The following RPA1 variants were observed in gnomAD, a reference collection of about 807,000 sequenced individuals.
The protein encoded by RPA1 is replication protein A1.
Under a neutral mutation model 83.0 loss-of-function variants are expected in RPA1, and 49 were observed. That is an observed-to-expected ratio of 0.59 (90% CI 0.47 to 0.75). RPA1 has a LOEUF of 0.75. RPA1 is among the 30% of genes least tolerant of loss of function. The probability of loss-of-function intolerance (pLI) is 0.00; values close to 1 mark genes in which losing one functional copy is unlikely to be tolerated. For synonymous variants in RPA1, 279 were observed against 281.8 expected, an observed-to-expected ratio of 0.99 and a Z score of 0.10; for missense variants, 693 against 776.1, an observed-to-expected ratio of 0.89 and a Z score of 1.27.
chr17:1,895,709 C>G (rs939473979), intron 16 of RPA1, among the ~76,000 whole-genome samples: 8 of 86,602 alleles, frequency 9.2e-5, no homozygotes, highest in African/African-American at 2.6e-4. Context: ...TTATTTGAGA[C>G]AGAGTCTCTG....
At chr17:1,854,866 A>G (rs1597432123) in intron 5 of RPA1, among the ~76,000 whole-genome samples, 2 of 152,208 alleles carry the variant, frequency 1.3e-5, no homozygotes, top group African/African-American at 4.8e-5. Flanking sequence ...TAGATGGTTC[A>G]CTATAGAAGG....
At chr17:1,895,224 A>G (rs1914360231) in intron 16 of RPA1, 129 bp downstream of exon 16, 2 of 615,254 alleles carry the variant, frequency 3.3e-6, no homozygotes, top group Admixed American at 3.2e-5. Flanking sequence ...ACTTTGCCCA[A>G]CACAGGTGCT....
At chr17:1,852,015 G>C (rs945404055) in intron 4 of RPA1, among the ~76,000 whole-genome samples, 1 of 152,146 alleles carries the variant, frequency 6.6e-6, no homozygotes, top group Non-Finnish European at 1.5e-5. Flanking sequence ...ATTGCCCTAG[G>C]CCTGTTTCTT....
chr17:1,851,535 A>G (rs932674347), intron 4 of RPA1, among the ~76,000 whole-genome samples: 5 of 152,220 alleles, frequency 3.3e-5, no homozygotes, highest in African/African-American at 9.6e-5. Flanking sequence ...CTGTAAGTTG[A>G]TATTAGTGTA....
chr17:1,870,321 G>A (rs1356715260), intron 5 of RPA1, among the ~76,000 whole-genome samples: 10 of 152,116 alleles, frequency 6.6e-5, no homozygotes, highest in Non-Finnish European at 8.8e-5. Context: ...CTCAGAATCC[G>A]GGGATCACAA....
At chr17:1,888,058 G>C (rs1772943774) in intron 13 of RPA1, among the ~76,000 whole-genome samples, 1 of 152,196 alleles carries the variant, frequency 6.6e-6, no homozygotes, top group South Asian at 2.1e-4. Context: ...TCTGTCAAGT[G>C]CAGTAAAGCA....
chr17:1,850,979 A>C (rs939316962), intron 4 of RPA1, among the ~76,000 whole-genome samples: 5 of 151,672 alleles, frequency 3.3e-5, no homozygotes, highest in African/African-American at 1.2e-4. Context: ...TTAAACATCT[A>C]CAAACATAGA....
At position 1,858,985 on chromosome 17, in the gene RPA1, C is replaced by G. The variant is rs1312722129; in HGVS notation, c.361+5796C>G. 4.0e-5 allele frequency among the ~76,000 whole-genome samples: 6 copies of G among 151,174 alleles called. No homozygotes were observed. In the South Asian group the frequency reaches 6.2e-4, roughly 16 times the overall value. ...TGGCATGATCTTGGCTCACTGCAATCTCCACCTCCCAGGTTCAAGCGATTC... is the reference window on the plus strand; with the variant it reads ...TGGCATGATCTTGGCTCACTGCAATGTCCACCTCCCAGGTTCAAGCGATTC... On this transcript the variant is annotated intron_variant, in intron 5 of 16. Transcript: ENST00000254719.
intron 5 of RPA1, among the ~76,000 whole-genome samples, chr17:1,855,416 T>A (rs1174768540): frequency 1.3e-5 from 2 of 152,054 alleles, no homozygotes; most frequent in African/African-American, 4.8e-5. Context: ...CTCGAACTCC[T>A]GACCTCAAGT....
Position 1,853,605 on chromosome 17 carries a change from C to T in RPA1, c.361+416C>T, listed in dbSNP as rs567439674. Among the ~76,000 whole-genome samples the T allele has an allele frequency of 7.2e-5, 11 of 152,274 alleles. No homozygotes were observed. The South Asian group carries it at 1.9e-3, about 26-fold the overall frequency. On this transcript the variant is annotated intron_variant, in intron 5 of 16. Coordinates refer to ENST00000254719, the MANE Select transcript of RPA1 (RefSeq NM_002945.5). ...GGCTGAGGCAGGGAAATCGCTTGAA[C>T]CCAGGAGACAGAGGTTTCAGTGAGC...
chr17:1,895,352 T>TA (rs1914370013), intron 16 of RPA1, among the ~76,000 whole-genome samples: 1 of 151,786 alleles, frequency 6.6e-6, no homozygotes, highest in Non-Finnish European at 1.5e-5. Context: ...TTTTTTATTT[T>TA]TATTTTTTTT....
At chr17:1,892,819 A>G (rs1325096007) in intron 15 of RPA1, among the ~76,000 whole-genome samples, 16 of 152,344 alleles carry the variant, frequency 1.1e-4, no homozygotes, top group Admixed American at 9.2e-4. Flanking sequence ...GCATTTTCAC[A>G]TATTAGGTTT....
intron 4 of RPA1, among the ~76,000 whole-genome samples, chr17:1,848,642 A>G (rs757513360): frequency 7.3e-5 from 10 of 137,434 alleles, no homozygotes; most frequent in Non-Finnish European, 1.4e-4. Flanking sequence ...TCGGCTCACT[A>G]CAACCTCTGC....
At chr17:1,872,609 G>T in intron 6 of RPA1, 83 bp downstream of exon 6, 2 of 1,552,880 alleles carry the variant, frequency 1.3e-6, no homozygotes, top group Non-Finnish European at 8.7e-7. Flanking sequence ...GGACTAAAGG[G>T]AGTTTTCCAA....
At chr17:1,833,414 A>G (rs1352580682) in intron 1 of RPA1, among the ~76,000 whole-genome samples, 1 of 152,238 alleles carries the variant, frequency 6.6e-6, no homozygotes, top group Non-Finnish European at 1.5e-5. Context: ...GCTTGGGGGA[A>G]AAACAGGAAC....
At chr17:1,878,204 C>T (rs1349127879) in intron 8 of RPA1, among the ~76,000 whole-genome samples, 5 of 152,178 alleles carry the variant, frequency 3.3e-5, no homozygotes, top group Non-Finnish European at 7.3e-5. Context: ...CACTGCACTC[C>T]AGCCTGGGCG....
At position 1,899,284 on chromosome 17, in the gene RPA1, C is replaced by A. The variant is rs569794191; in HGVS notation, c.*2109C>A. ...TCCCTGCGGGTTGCCTAAATAGATTCTGGCCCACAGTTTACCTCGAAAGGC... is the reference window on the plus strand; with the variant it reads ...TCCCTGCGGGTTGCCTAAATAGATTATGGCCCACAGTTTACCTCGAAAGGC... On this transcript the variant is annotated 3_prime_UTR_variant, in exon 17 of 17. Transcript: ENST00000254719. 6.6e-6 allele frequency: 1 copy of A among 152,608 alleles called. No individual in the cohort carries two copies. Among genetic ancestry groups the A allele is most frequent in the East Asian group, 1.9e-4 (1 of 5,164 alleles). 9.5% of individuals were successfully genotyped at this position (152,608 alleles called of 1,614,324 possible).
rs17339130 is a variant in RPA1 at position 1,890,801 on chromosome 17, G to C, written c.1552-1032G>C. On this transcript the variant is annotated intron_variant, in intron 14 of 16. Transcript: ENST00000254719. ...AGATGAAGAAAATTTGTTTTAGTTT[G>C]TGGAAACATCAGCCTTTCTGTTAAA... 8.4e-3 allele frequency among the ~76,000 whole-genome samples: 1,273 copies of C among 152,296 alleles called. 20 individuals are homozygous for C. Among genetic ancestry groups the C allele is most frequent in the African/African-American group, 0.029 (1,205 of 41,554 alleles).
In RPA1 at chr17:1,877,256, C is replaced by T; in HGVS notation, c.632C>T (p.Thr211Ile). The change falls in exon 8 of 17, where the codon ACC (threonine) becomes ATC (isoleucine). Residue 211 changes from threonine to isoleucine, a missense_variant. By Grantham distance (89) the Thr-to-Ile change is moderately conservative. Transcript: ENST00000254719. ...ARVTNKSQIR[T>I]WSNSRGEGKL... is the part of the protein sequence containing the mutation. ...GTTACCAACAAAAGTCAGATCCGTA[C>T]CTGGAGCAACTCCCGAGGGGAAGGG... The T allele has an allele frequency of 1.9e-6, 3 of 1,614,198 alleles. No homozygotes were observed. Among genetic ancestry groups the T allele is most frequent in the Non-Finnish European group, 2.5e-6 (3 of 1,180,042 alleles).
Sources: gnomAD v4.1 joint callset for allele counts (sites outside exome capture counted in the v4.1 genomes callset) on GRCh38, gnomAD v4.1.1 for gene constraint, MANE v1.5 for transcripts, NCBI Gene and HGNC (gene_info 2026-07-23, HGNC 2026-07-21) for gene names.